Variants in MAML3 observed in about 807,000 individuals in gnomAD.
MAML3 encodes the protein mastermind like transcriptional coactivator 3.
Under a neutral mutation model 101.9 loss-of-function variants are expected in MAML3, and 27 were observed. That is an observed-to-expected ratio of 0.27 (90% CI 0.20 to 0.37). The LOEUF is 0.37. Ranked by LOEUF, MAML3 falls within the 10% of genes least tolerant of loss-of-function variation. MAML3 has a pLI of 1.00. For missense variants in MAML3, 1,316 were observed against 1,444.9 expected (o/e 0.91, Z 1.45); for synonymous variants, 501 against 555.9 (o/e 0.90, Z 1.39).
chr4:139,794,510 A>G (rs1461598297), intron 2 of MAML3: 1 of 152,230 alleles, frequency 6.6e-6, no homozygotes, highest in Non-Finnish European at 1.5e-5. Context: ...ATCAACTCCC[A>G]GGCTTTGCTT....
At chr4:139,980,382 T>A (rs1560855842) in intron 1 of MAML3, among the ~76,000 whole-genome samples, 1 of 152,146 alleles carries the variant, frequency 6.6e-6, no homozygotes. Flanking sequence ...TTTGACTTGA[T>A]TTTTTCCCCC....
intron 2 of MAML3, among the ~76,000 whole-genome samples, chr4:139,813,616 C>G (rs2111114908): frequency 6.6e-6 from 1 of 152,286 alleles, no homozygotes. Context: ...TTTTACTTCT[C>G]ATGTACCCTT....
At chr4:139,750,889 T>G (rs1373156206) in intron 2 of MAML3, among the ~76,000 whole-genome samples, 1 of 152,194 alleles carries the variant, frequency 6.6e-6, no homozygotes, top group African/African-American at 2.4e-5. Context: ...TTGTTTTGCT[T>G]TTACATTTCT....
chr4:139,744,350 G>A (rs1579384568), intron 2 of MAML3, among the ~76,000 whole-genome samples: 2 of 152,124 alleles, frequency 1.3e-5, no homozygotes, highest in Non-Finnish European at 2.9e-5. Context: ...AACACTCACA[G>A]CTAAAACAAA....
chr4:140,147,512 G>T (rs943263917), intron 1 of MAML3, among the ~76,000 whole-genome samples: 1 of 152,208 alleles, frequency 6.6e-6, no homozygotes, highest in Non-Finnish European at 1.5e-5. Flanking sequence ...GTTGGCAGCA[G>T]GTGGGGGGAA....
intron 2 of MAML3, among the ~76,000 whole-genome samples, chr4:139,883,557 T>G (rs1017425550): frequency 2.6e-5 from 4 of 152,224 alleles, no homozygotes; most frequent in Non-Finnish European, 4.4e-5. Context: ...AGACTGTGTG[T>G]GGGGGGGTTG....
chr4:139,787,964 T>C (rs1276617098), intron 2 of MAML3, among the ~76,000 whole-genome samples: 1 of 152,228 alleles, frequency 6.6e-6, no homozygotes. Flanking sequence ...TCTATTCTTG[T>C]TACACTTTTG....
At chr4:139,839,148 C>T (rs1388917948) in intron 2 of MAML3, among the ~76,000 whole-genome samples, 2 of 152,146 alleles carry the variant, frequency 1.3e-5, no homozygotes, top group African/African-American at 4.8e-5. Flanking sequence ...AACGCGCTGG[C>T]ATCATTCCTC....
intron 1 of MAML3, among the ~76,000 whole-genome samples, chr4:139,930,132 G>T (rs1733352009): frequency 6.6e-6 from 1 of 152,218 alleles, no homozygotes. Flanking sequence ...CAGAATTATA[G>T]ATAATTTTCA....
chr4:139,906,355 A>C (rs1294207926), intron 1 of MAML3, among the ~76,000 whole-genome samples: 1 of 152,228 alleles, frequency 6.6e-6, no homozygotes, highest in Non-Finnish European at 1.5e-5. Context: ...AGATGACTCT[A>C]AGCAAAACCT....
intron 1 of MAML3, among the ~76,000 whole-genome samples, chr4:140,122,328 C>A (rs1259758069): frequency 1.3e-5 from 2 of 148,942 alleles, no homozygotes; most frequent in Non-Finnish European, 3.0e-5. Context: ...TCAAGCAATT[C>A]TCCTACCTCA....
intron 1 of MAML3, among the ~76,000 whole-genome samples, chr4:139,971,392 C>T (rs962550121): frequency 3.3e-5 from 5 of 152,210 alleles, no homozygotes; most frequent in Admixed American, 3.3e-4. Flanking sequence ...TTCTTGGCTG[C>T]ACACCAGGTA....
At chr4:139,812,152 G>A (rs990222071) in intron 2 of MAML3, among the ~76,000 whole-genome samples, 18 of 152,160 alleles carry the variant, frequency 1.2e-4, no homozygotes, top group Non-Finnish European at 1.9e-4. Context: ...CTACTCAGAA[G>A]GCTGAGGCAA....
intron 1 of MAML3, among the ~76,000 whole-genome samples, chr4:140,070,165 A>G (rs978189739): frequency 2.6e-5 from 4 of 151,988 alleles, no homozygotes; most frequent in Non-Finnish European, 5.9e-5. Context: ...AAAGAGCCAG[A>G]CTCTAAGTTT....
chr4:140,015,770 A>G (rs1461662130), intron 1 of MAML3, among the ~76,000 whole-genome samples: 1 of 152,220 alleles, frequency 6.6e-6, no homozygotes, highest in Non-Finnish European at 1.5e-5. Flanking sequence ...CCTAGCCAAC[A>G]TGGTGAAATC....
intron 2 of MAML3, among the ~76,000 whole-genome samples, chr4:139,773,607 C>G (rs1387979110): frequency 6.6e-6 from 1 of 152,148 alleles, no homozygotes; most frequent in Non-Finnish European, 1.5e-5. Context: ...CCAAAAGGCT[C>G]AGCGTAAATG....
chr4:139,823,361 C>G (rs192506558), intron 2 of MAML3, among the ~76,000 whole-genome samples: 12 of 152,250 alleles, frequency 7.9e-5, no homozygotes, highest in African/African-American at 2.4e-4. Flanking sequence ...CCATCCTTGC[C>G]CACCCTCCAA....
chr4:140,028,226 T>C (rs1726856760), intron 1 of MAML3, among the ~76,000 whole-genome samples: 1 of 152,146 alleles, frequency 6.6e-6, no homozygotes, highest in African/African-American at 2.4e-5. Context: ...CACTGGAGCA[T>C]AGATGAAGCA....
intron 2 of MAML3, among the ~76,000 whole-genome samples, chr4:139,851,187 T>A (rs1731540615): frequency 6.6e-6 from 1 of 152,206 alleles, no homozygotes; most frequent in Non-Finnish European, 1.5e-5. Context: ...TGACCAGAAC[T>A]AGGAACTGAA....
Sources: allele counts gnomAD v4.1 joint callset (sites outside exome capture counted in the v4.1 genomes callset), GRCh38; gene constraint gnomAD v4.1.1; transcripts MANE v1.5; gene names NCBI Gene and HGNC (gene_info 2026-07-23, HGNC 2026-07-21).